Variants in PRICKLE2 observed in about 807,000 individuals in gnomAD.
PRICKLE2 encodes prickle planar cell polarity protein 2.
PRICKLE2 carries 21 observed loss-of-function variants against 81.4 expected under a neutral mutation model. The ratio of observed to expected loss-of-function variants is 0.26; its 90% CI spans 0.18 to 0.37. PRICKLE2 has a LOEUF of 0.37. Ranked by LOEUF, PRICKLE2 falls within the 10% of genes least tolerant of loss-of-function variation. The pLI, the probability that PRICKLE2 is intolerant of heterozygous loss-of-function variation, is 1.00. For synonymous variants in PRICKLE2, 456 were observed against 421.5 expected, an observed-to-expected ratio of 1.08 and a Z score of -1.00; for missense variants, 940 against 1,109.0, an observed-to-expected ratio of 0.85 and a Z score of 2.16.
At chr3:64,206,013 A>G (rs2078681463) in intron 1 of PRICKLE2, among the ~76,000 whole-genome samples, 1 of 152,242 alleles carries the variant, frequency 6.6e-6, no homozygotes, top group Non-Finnish European at 1.5e-5. Context: ...GTAATTTGCT[A>G]GATGGAAAGA....
upstream of PRICKLE2, among the ~76,000 whole-genome samples, chr3:64,230,391 ATC>A (rs2079086543): frequency 6.6e-6 from 1 of 152,234 alleles, no homozygotes. Context: ...TCAAAGTTGC[ATC>A]TGTTTTACCT....
At chr3:64,167,193 T>A (rs1447409332) in intron 2 of PRICKLE2, among the ~76,000 whole-genome samples, 1 of 152,138 alleles carries the variant, frequency 6.6e-6, no homozygotes, top group Non-Finnish European at 1.5e-5. Flanking sequence ...ACTTGTTCAT[T>A]TTTTTTGGAG....
intron 1 of PRICKLE2, among the ~76,000 whole-genome samples, chr3:64,206,016 T>C (rs1405146204): frequency 6.6e-6 from 1 of 152,128 alleles, no homozygotes; most frequent in Admixed American, 6.5e-5. Context: ...ATTTGCTAGA[T>C]GGAAAGAAGA....
chr3:64,207,226 A>G (rs1001455372), intron 1 of PRICKLE2, among the ~76,000 whole-genome samples: 17 of 152,220 alleles, frequency 1.1e-4, no homozygotes, highest in Non-Finnish European at 2.2e-4. Flanking sequence ...TAAGAAAAAA[A>G]GAGGAAAACA....
intron 7 of PRICKLE2, among the ~76,000 whole-genome samples, chr3:64,115,375 T>G (rs2076917888): frequency 6.6e-6 from 1 of 152,170 alleles, no homozygotes; most frequent in Non-Finnish European, 1.5e-5. Context: ...GTAAATGGGC[T>G]GAATGACCCA....
chr3:64,100,620 G>C (rs1464357925), intron 7 of PRICKLE2: 4 of 152,252 alleles, frequency 2.6e-5, no homozygotes, highest in South Asian at 2.1e-4. Context: ...GGACCTCTCG[G>C]TCGCACGGGG....
At chr3:64,185,492 G>A (rs183589347) in intron 2 of PRICKLE2, among the ~76,000 whole-genome samples, 38 of 152,318 alleles carry the variant, frequency 2.5e-4, no homozygotes, top group Middle Eastern at 3.4e-3. Flanking sequence ...TGCCAACTAC[G>A]TGTTAGGCAC....
intron 2 of PRICKLE2, among the ~76,000 whole-genome samples, chr3:64,247,175 G>A (rs1457801110): frequency 6.6e-6 from 1 of 152,108 alleles, no homozygotes; most frequent in Non-Finnish European, 1.5e-5. Context: ...ACGTCCTCTA[G>A]CAGGCCAGGC....
intron 2 of PRICKLE2, among the ~76,000 whole-genome samples, chr3:64,189,712 G>A (rs2078297627): frequency 6.6e-6 from 1 of 152,186 alleles, no homozygotes; most frequent in South Asian, 2.1e-4. Context: ...ATTATTTTTG[G>A]TACTGAGCAT....
chr3:64,179,024 TTTCTTTCTTTC>T (rs1424022716), intron 2 of PRICKLE2, among the ~76,000 whole-genome samples: 97 of 132,084 alleles, frequency 7.3e-4, no homozygotes, highest in African/African-American at 2.7e-3. Context: ...TCTTTCTTTC[TTTCTTTCTTTC>T]TTTTCTTTCC....
At chr3:64,148,110 A>G (rs761828638) in intron 6 of PRICKLE2, among the ~76,000 whole-genome samples, 37 of 152,220 alleles carry the variant, frequency 2.4e-4, no homozygotes, top group Admixed American at 7.2e-4. Context: ...TTCACATGAG[A>G]AAGTAGAGGC....
intron 4 of PRICKLE2, among the ~76,000 whole-genome samples, chr3:64,159,566 T>C (rs1484225702): frequency 6.6e-6 from 1 of 152,206 alleles, no homozygotes; most frequent in Non-Finnish European, 1.5e-5. Context: ...TCATTCCTTC[T>C]GCCTTAGCAT....
At chr3:64,213,525 G>C (rs76725212) in intron 1 of PRICKLE2, among the ~76,000 whole-genome samples, 3,872 of 152,262 alleles carry the variant, frequency 0.025, 176 homozygotes, top group African/African-American at 0.088. Flanking sequence ...TACAAGGTTA[G>C]TCAGAAGAGC....
At chr3:64,130,023 T>C (rs769140022) in intron 7 of PRICKLE2, among the ~76,000 whole-genome samples, 3 of 151,974 alleles carry the variant, frequency 2.0e-5, no homozygotes, top group Non-Finnish European at 4.4e-5. Flanking sequence ...AAATGTGGAG[T>C]AGTGGTTCAA....
intron 7 of PRICKLE2, among the ~76,000 whole-genome samples, chr3:64,121,951 C>T (rs704386): frequency 0.44 from 67,461 of 152,072 alleles, 15,775 homozygotes; most frequent in East Asian, 0.83. Flanking sequence ...CTAGCAGAGA[C>T]GCTCCAAGCT....
chr3:64,238,374 G>C (rs1243808856), intron 2 of PRICKLE2, among the ~76,000 whole-genome samples: 1 of 151,872 alleles, frequency 6.6e-6, no homozygotes, highest in Non-Finnish European at 1.5e-5. Flanking sequence ...TGTAGTCCCA[G>C]CTACTCGGGA....
At chr3:64,123,000 G>C (rs1458090336) in intron 7 of PRICKLE2, among the ~76,000 whole-genome samples, 1 of 152,166 alleles carries the variant, frequency 6.6e-6, no homozygotes, top group Non-Finnish European at 1.5e-5. Context: ...ATCAGAGCAG[G>C]TGTGTGAACA....
intron 4 of PRICKLE2, among the ~76,000 whole-genome samples, 189 bp downstream of exon 4, chr3:64,159,751 T>C (rs2077699335): frequency 1.3e-5 from 2 of 152,234 alleles, no homozygotes; most frequent in African/African-American, 4.8e-5. Context: ...TTTTGTTGAT[T>C]ACATATATTG....
At chr3:64,174,545 T>C (rs1357375395) in intron 2 of PRICKLE2, 1 of 154,062 alleles carries the variant, frequency 6.5e-6, no homozygotes, top group Non-Finnish European at 1.5e-5. Context: ...TCGAGCAGAA[T>C]TCGCCTTTGG....
Sources: gnomAD v4.1 joint callset for allele counts (sites outside exome capture counted in the v4.1 genomes callset) on GRCh38, gnomAD v4.1.1 for gene constraint, MANE v1.5 for transcripts, NCBI Gene and HGNC (gene_info 2026-07-23, HGNC 2026-07-21) for gene names.